The following RPS6KC1 variants were observed in gnomAD, a reference collection of about 807,000 sequenced individuals.
The protein encoded by RPS6KC1 is ribosomal protein S6 kinase C1, also known as inactive ribosomal protein S6 kinase delta-1.
In RPS6KC1, 54 loss-of-function variants were observed where a neutral mutation model predicts 103.8. The ratio of observed to expected loss-of-function variants is 0.52; its 90% CI spans 0.42 to 0.65. The LOEUF is 0.65. Ranked by LOEUF, RPS6KC1 falls within the 30% of genes least tolerant of loss-of-function variation. The pLI is 0.00. For synonymous variants in RPS6KC1, 439 were observed against 438.7 expected (o/e 1.00, Z -0.01); for missense variants, 1,151 against 1,253.8 (o/e 0.92, Z 1.24).
chr1:213,818,857 AG>A, the RPS6KC1 span: 1 of 152,212 alleles, frequency 6.6e-6, no homozygotes, highest in Non-Finnish European at 1.5e-5. Context: ...GAGTTACAGA[AG>A]AAATGGCCCC....
intron 6 of RPS6KC1, 78 bp downstream of exon 6, chr1:213,129,967 C>CTGTA: frequency 7.6e-7 from 1 of 1,317,262 alleles, no homozygotes; most frequent in Non-Finnish European, 1.0e-6. Context: ...CATATATCTT[C>CTGTA]TGTATAGTCT....
At chr1:213,412,663 AT>A in the RPS6KC1 span, among the ~76,000 whole-genome samples, 3 of 152,238 alleles carry the variant, frequency 2.0e-5, no homozygotes, top group African/African-American at 7.2e-5. Flanking sequence ...AGCAATGAGC[AT>A]CCAGTGGAGT....
chr1:213,388,948 G>C, the RPS6KC1 span, among the ~76,000 whole-genome samples: 26 of 152,216 alleles, frequency 1.7e-4, no homozygotes, highest in African/African-American at 6.3e-4. Flanking sequence ...GAAGGGGAAG[G>C]GGACTGGACT....
chr1:213,486,159 A>G, the RPS6KC1 span, among the ~76,000 whole-genome samples: 1 of 152,212 alleles, frequency 6.6e-6, no homozygotes, highest in Admixed American at 6.5e-5. Flanking sequence ...TTGATCTTTG[A>G]AAAGGCAGGT....
At chr1:213,397,162 A>G in the RPS6KC1 span, among the ~76,000 whole-genome samples, 1 of 152,174 alleles carries the variant, frequency 6.6e-6, no homozygotes, top group Admixed American at 6.5e-5. Context: ...CCCCCGTCCC[A>G]CATCGTGGCT....
the RPS6KC1 span, among the ~76,000 whole-genome samples, chr1:213,554,812 G>A: frequency 6.6e-6 from 1 of 152,080 alleles, no homozygotes; most frequent in African/African-American, 2.4e-5. Context: ...TCTCCTTTTA[G>A]AACATACTCT....
At chr1:213,059,903 C>T (rs2077676274) in intron 1 of RPS6KC1, among the ~76,000 whole-genome samples, 1 of 152,094 alleles carries the variant, frequency 6.6e-6, no homozygotes, top group Non-Finnish European at 1.5e-5. Context: ...CATCTATTGA[C>T]CTCGTGATCT....
chr1:213,595,575 A>G, the RPS6KC1 span, among the ~76,000 whole-genome samples: 5 of 152,206 alleles, frequency 3.3e-5, no homozygotes, highest in African/African-American at 1.2e-4. Context: ...TGGGACGCAA[A>G]CCATCAGTTC....
intron 8 of RPS6KC1, among the ~76,000 whole-genome samples, chr1:213,224,480 A>G (rs1317567447): frequency 6.6e-6 from 1 of 152,230 alleles, no homozygotes; most frequent in Admixed American, 6.5e-5. Flanking sequence ...AGTAAGTGTG[A>G]AAAATGAAAG....
chr1:213,724,722 C>G, the RPS6KC1 span, among the ~76,000 whole-genome samples: 1 of 152,070 alleles, frequency 6.6e-6, no homozygotes, highest in Admixed American at 6.6e-5. Context: ...GGTAACACAG[C>G]AAGACACCAT....
At chr1:213,345,091 T>C in the RPS6KC1 span, among the ~76,000 whole-genome samples, 1 of 152,226 alleles carries the variant, frequency 6.6e-6, no homozygotes, top group Non-Finnish European at 1.5e-5. Context: ...TACTATTTGG[T>C]TCTGCAGTGA....
intron 10 of RPS6KC1, among the ~76,000 whole-genome samples, chr1:213,233,117 G>A (rs902335260): frequency 6.6e-6 from 1 of 152,024 alleles, no homozygotes; most frequent in African/African-American, 2.4e-5. Context: ...CTGGAATGAG[G>A]TCTCATGATA....
At chr1:213,317,138 A>C in the RPS6KC1 span, among the ~76,000 whole-genome samples, 3 of 152,238 alleles carry the variant, frequency 2.0e-5, no homozygotes, top group African/African-American at 4.8e-5. Context: ...ATGATATTAA[A>C]ATACAAATAT....
rs151228541 is a variant in RPS6KC1 at position 213,058,002 on chromosome 1, A to T, written c.105+6493A>T. On this transcript the variant is annotated intron_variant, in intron 1 of 14. Transcript: ENST00000366960. Reference sequence around the variant, plus strand: ...AGGCTGGTCTCAAACTCCTGGTCTCAAGCAATCTGCCTGTCTTGGCCTTCC... The same window carrying T: ...AGGCTGGTCTCAAACTCCTGGTCTCTAGCAATCTGCCTGTCTTGGCCTTCC... 3.5e-3 allele frequency among the ~76,000 whole-genome samples: 535 copies of T among 150,842 alleles called. 4 individuals are homozygous for T. Among genetic ancestry groups the T allele is most frequent in the African/African-American group, 0.012 (502 of 41,086 alleles).
chr1:213,785,522 G>A, the RPS6KC1 span, among the ~76,000 whole-genome samples: 1 of 151,178 alleles, frequency 6.6e-6, no homozygotes, highest in African/African-American at 2.4e-5. Flanking sequence ...ATACAGCAAG[G>A]GCCAATAGTT....
the RPS6KC1 span, among the ~76,000 whole-genome samples, chr1:213,318,037 G>A: frequency 1.3e-5 from 2 of 152,216 alleles, no homozygotes; most frequent in African/African-American, 2.4e-5. Flanking sequence ...GTGCCTACCT[G>A]GGGGGCAGGG....
chr1:213,492,804 A>G, the RPS6KC1 span, among the ~76,000 whole-genome samples: 1 of 152,196 alleles, frequency 6.6e-6, no homozygotes, highest in Non-Finnish European at 1.5e-5. Flanking sequence ...TGTCCTTGGA[A>G]TGCTGTGTGG....
chr1:213,620,952 A>G, the RPS6KC1 span, among the ~76,000 whole-genome samples: 1 of 152,154 alleles, frequency 6.6e-6, no homozygotes. Context: ...ATTGTCCACA[A>G]CACATGTGTT....
chr1:213,114,463 C>T (rs1440183012), intron 4 of RPS6KC1, among the ~76,000 whole-genome samples: 2 of 150,964 alleles, frequency 1.3e-5, no homozygotes, highest in African/African-American at 2.5e-5. Flanking sequence ...TGGGCTGAGA[C>T]AGTGGGGTTT....
Sources: allele counts gnomAD v4.1 joint callset (sites outside exome capture counted in the v4.1 genomes callset), GRCh38; gene constraint gnomAD v4.1.1; transcripts MANE v1.5; gene names NCBI Gene and HGNC (gene_info 2026-07-23, HGNC 2026-07-21).